Variants in SPACA1 observed in about 807,000 individuals in gnomAD.
The protein encoded by SPACA1 is sperm acrosome associated 1.
Under a neutral mutation model 32.6 loss-of-function variants are expected in SPACA1, and 17 were observed. The ratio of observed to expected loss-of-function variants is 0.52; its 90% CI spans 0.36 to 0.78. SPACA1 has a LOEUF of 0.78. SPACA1 is among the 30% of genes least tolerant of loss of function. The pLI, the probability that SPACA1 is intolerant of heterozygous loss-of-function variation, is 0.01. For synonymous variants in SPACA1, 140 were observed against 138.1 expected, an observed-to-expected ratio of 1.01 and a Z score of -0.10; for missense variants, 363 against 373.4, an observed-to-expected ratio of 0.97 and a Z score of 0.23.
chr6:88,059,718 T>C (rs1332977259), intron 5 of SPACA1, 130 bp downstream of exon 5: 4 of 908,484 alleles, frequency 4.4e-6, no homozygotes, highest in Non-Finnish European at 3.1e-6. Context: ...AGATTTGGGA[T>C]GGGACTGGAA....
At chr6:88,056,824 G>A (rs992001172) in intron 2 of SPACA1, among the ~76,000 whole-genome samples, 2 of 152,132 alleles carry the variant, frequency 1.3e-5, no homozygotes, top group African/African-American at 4.8e-5. Context: ...GTGATGTGAG[G>A]CCAACTCTGG....
At position 88,047,922 on chromosome 6, in the gene SPACA1, C is replaced by G. The variant is rs570117863; in HGVS notation, c.17C>G (p.Thr6Arg). The stretch of plus-strand genomic sequence containing the variant: ...CCGAGAACCATGAGCCCCAGGGGCA[C>G]GGGCTGCTCCGCCGGGCTGCTGATG... Reference protein sequence around the residue: MSPRGTGCSAGLLMTV... With the variant: MSPRGRGCSAGLLMTV... Residue 6 changes from threonine (T) to arginine (R), a missense_variant, in exon 1 of 7, where the codon ACG (threonine) becomes AGG (arginine). Thr to Arg is a moderately conservative substitution (Grantham distance 71). Coordinates refer to ENST00000237201, the MANE Select transcript of SPACA1 (RefSeq NM_030960.3). 1 of 1,558,474 alleles carries G rather than the reference C, an allele frequency of 6.4e-7. No individual in the cohort carries two copies. Among genetic ancestry groups the G allele is most frequent in the Admixed American group, 1.9e-5 (1 of 52,142 alleles).
chr6:88,061,772 CTAAT>C (rs1421575639), intron 5 of SPACA1, among the ~76,000 whole-genome samples: 1 of 152,090 alleles, frequency 6.6e-6, no homozygotes, highest in African/African-American at 2.4e-5. Flanking sequence ...TCCTAGGAAA[CTAAT>C]AAGTACATAA....
At chr6:88,049,256 A>G (rs140384256) in intron 1 of SPACA1, among the ~76,000 whole-genome samples, 84 of 152,376 alleles carry the variant, frequency 5.5e-4, no homozygotes, top group African/African-American at 1.9e-3. Flanking sequence ...CAATTTTAGT[A>G]TTAAACTGGC....
intron 5 of SPACA1, among the ~76,000 whole-genome samples, chr6:88,060,572 T>G (rs1328145384): frequency 1.3e-5 from 2 of 152,234 alleles, no homozygotes; most frequent in Admixed American, 1.3e-4. Context: ...TTAAACTTCC[T>G]TTGATATGCT....
chr6:88,056,786 C>T (rs1169589222), intron 2 of SPACA1, among the ~76,000 whole-genome samples: 1 of 152,020 alleles, frequency 6.6e-6, no homozygotes, highest in Non-Finnish European at 1.5e-5. Flanking sequence ...GTAGCTAATC[C>T]CATGTTTTGT....
chr6:88,060,487 G>A (rs959162845), intron 5 of SPACA1, among the ~76,000 whole-genome samples: 3 of 152,236 alleles, frequency 2.0e-5, no homozygotes, highest in East Asian at 1.9e-4. Flanking sequence ...TAAAGATACC[G>A]CACAACGTAA....
intron 1 of SPACA1, among the ~76,000 whole-genome samples, chr6:88,052,940 CATT>C (rs905612948): frequency 6.6e-6 from 1 of 152,124 alleles, no homozygotes; most frequent in African/African-American, 2.4e-5. Context: ...GGGAAAAAAA[CATT>C]AAATTAATAA....
intron 1 of SPACA1, among the ~76,000 whole-genome samples, chr6:88,051,016 G>A (rs778228869): frequency 2.6e-5 from 4 of 151,956 alleles, no homozygotes; most frequent in East Asian, 3.9e-4. Flanking sequence ...GCGTGGTTGC[G>A]TGTGCCTGTA....
At chr6:88,051,282 A>C (rs1159692255) in intron 1 of SPACA1, among the ~76,000 whole-genome samples, 1 of 152,222 alleles carries the variant, frequency 6.6e-6, no homozygotes, top group Non-Finnish European at 1.5e-5. Flanking sequence ...AGACCTACAT[A>C]GTAATTGCAA....
chr6:88,051,239 A>C (rs1320398131), intron 1 of SPACA1, among the ~76,000 whole-genome samples: 2 of 152,210 alleles, frequency 1.3e-5, no homozygotes, highest in Non-Finnish European at 2.9e-5. Flanking sequence ...CTTTTATACA[A>C]GTATACCCTT....
intron 1 of SPACA1, 29 bp from the exon 2 acceptor site, chr6:88,053,917 A>C (rs762194384): frequency 6.9e-6 from 11 of 1,597,672 alleles, no homozygotes; most frequent in South Asian, 2.2e-5. Flanking sequence ...CATATAATTA[A>C]ATAATGTATC....
intron 1 of SPACA1, among the ~76,000 whole-genome samples, chr6:88,049,980 A>G (rs1172911657): frequency 6.6e-6 from 1 of 152,192 alleles, no homozygotes; most frequent in African/African-American, 2.4e-5. Context: ...AGAGAAAGCC[A>G]TCTTCTTTTC....
Position 88,066,613 on chromosome 6 carries a change from C to T in SPACA1, c.*278C>T, listed in dbSNP as rs1384693350. ...CAAATCTTCTAAGTGCATTTTTGAT[C>T]ACTTTGATAACTTCTTAGGTGATTT... is the stretch of plus-strand genomic sequence containing the variant. On this transcript the variant is annotated 3_prime_UTR_variant, in exon 7 of 7. Coordinates refer to ENST00000237201, the MANE Select transcript of SPACA1 (RefSeq NM_030960.3). The T allele has an allele frequency of 4.8e-6, 1 of 206,420 alleles. No homozygotes were observed. Among genetic ancestry groups the T allele is most frequent in the Admixed American group, 5.6e-5 (1 of 17,878 alleles). The allele number at this position is 206,420 out of a possible 1,614,324, so 12.8% of individuals were successfully genotyped here.
At chr6:88,057,580 TA>T (rs1562479352) in intron 2 of SPACA1, 31 bp from the exon 3 acceptor site, 1 of 1,522,036 alleles carries the variant, frequency 6.6e-7, no homozygotes, top group South Asian at 1.1e-5. Context: ...GTTTTTTTCT[TA>T]ACATTTGCCT....
chr6:88,051,447 T>G (rs1266660040), intron 1 of SPACA1, among the ~76,000 whole-genome samples: 1 of 152,190 alleles, frequency 6.6e-6, no homozygotes, highest in African/African-American at 2.4e-5. Flanking sequence ...AATTGCACTC[T>G]GATGATATAT....
chr6:88,065,003 T>G (rs1775956950), intron 6 of SPACA1, among the ~76,000 whole-genome samples: 2 of 148,846 alleles, frequency 1.3e-5, no homozygotes, highest in Admixed American at 1.4e-4. Context: ...GTGATGCATA[T>G]ATATTACATA....
intron 5 of SPACA1, 73 bp from the exon 6 acceptor site, chr6:88,064,026 T>C (rs1376037894): frequency 1.3e-6 from 2 of 1,513,682 alleles, no homozygotes; most frequent in South Asian, 1.3e-5. Flanking sequence ...TTTTCAAATA[T>C]AAACTTTTAA....
In SPACA1 at chr6:88,061,482, G is replaced by A. The variant is rs117710021; in HGVS notation, c.610+1894G>A. ...CACAAACACAGATGGAAAGTGGGGC[G>A]CGGAATGCCAGGTGAAGACACAGAG... On this transcript the variant is annotated intron_variant, in intron 5 of 6. Coordinates refer to ENST00000237201, the MANE Select transcript of SPACA1 (RefSeq NM_030960.3). Among the ~76,000 whole-genome samples, 685 of 151,884 alleles carry A rather than the reference G, an allele frequency of 4.5e-3. 1 individual carries two copies. Among genetic ancestry groups the A allele is most frequent in the Non-Finnish European group, 7.6e-3 (519 of 67,912 alleles).
Sources: allele counts gnomAD v4.1 joint callset (sites outside exome capture counted in the v4.1 genomes callset), GRCh38; gene constraint gnomAD v4.1.1; transcripts MANE v1.5; gene names NCBI Gene and HGNC (gene_info 2026-07-23, HGNC 2026-07-21).